The following SPMAP2L variants were observed in gnomAD, a reference collection of about 807,000 sequenced individuals.
SPMAP2L encodes sperm microtubule associated protein 2-like.
chr4:56,533,867 C>T, the SPMAP2L span, among the ~76,000 whole-genome samples: 1 of 151,996 alleles, frequency 6.6e-6, no homozygotes, highest in Admixed American at 6.6e-5. Flanking sequence ...AGGAGCATCA[C>T]CTCAGACTCA....
At chr4:56,554,298 A>G in the SPMAP2L span, among the ~76,000 whole-genome samples, 3 of 152,214 alleles carry the variant, frequency 2.0e-5, no homozygotes, top group Non-Finnish European at 4.4e-5. Context: ...TTGCATTTTA[A>G]CAAGCAATGA....
the SPMAP2L span, chr4:56,575,685 G>T: frequency 6.6e-7 from 1 of 1,516,772 alleles, no homozygotes; most frequent in Non-Finnish European, 8.8e-7. Flanking sequence ...ATCTAATTTG[G>T]CCAGATGTCT....
the SPMAP2L span, among the ~76,000 whole-genome samples, chr4:56,564,419 C>T: frequency 2.6e-4 from 40 of 152,264 alleles, no homozygotes; most frequent in African/African-American, 9.4e-4. Flanking sequence ...GGATTACAAG[C>T]GTGAGCCACT....
chr4:56,563,320 T>TCTC, the SPMAP2L span, among the ~76,000 whole-genome samples: 2 of 150,650 alleles, frequency 1.3e-5, no homozygotes, highest in Non-Finnish European at 3.0e-5. Flanking sequence ...GCCAGGCTGG[T>TCTC]CTCAAACTTC....
At chr4:56,583,821 A>G in the SPMAP2L span, among the ~76,000 whole-genome samples, 3 of 152,248 alleles carry the variant, frequency 2.0e-5, no homozygotes, top group Non-Finnish European at 2.9e-5. Flanking sequence ...AACAGATCAT[A>G]AAATCAATTC....
the SPMAP2L span, among the ~76,000 whole-genome samples, chr4:56,556,089 G>C: frequency 6.6e-6 from 1 of 152,146 alleles, no homozygotes; most frequent in African/African-American, 2.4e-5. Flanking sequence ...ATTCAACTTG[G>C]ATTTGAATCT....
the SPMAP2L span, chr4:56,594,550 C>T: frequency 6.2e-7 from 1 of 1,608,534 alleles, no homozygotes; most frequent in South Asian, 1.1e-5. Flanking sequence ...CTATCCGAGC[C>T]TACTTAAACC....
the SPMAP2L span, among the ~76,000 whole-genome samples, chr4:56,534,822 G>A: frequency 1.4e-3 from 217 of 152,194 alleles, 4 homozygotes; most frequent in African/African-American, 5.1e-3. Context: ...CCAGCTACTC[G>A]GGAGGCTAAG....
chr4:56,615,358 A>G, the SPMAP2L span, among the ~76,000 whole-genome samples: 5 of 152,210 alleles, frequency 3.3e-5, no homozygotes, highest in African/African-American at 4.8e-5. Context: ...GCGATCAGTC[A>G]TCTCTTCTGT....
chr4:56,578,477 T>A, the SPMAP2L span, among the ~76,000 whole-genome samples: 23 of 152,242 alleles, frequency 1.5e-4, no homozygotes, highest in Admixed American at 1.5e-3. Context: ...CAGGCATAAA[T>A]ATTACCTTAT....
chr4:56,544,861 A>T, the SPMAP2L span, among the ~76,000 whole-genome samples: 1 of 152,226 alleles, frequency 6.6e-6, no homozygotes. Context: ...CTGACCAGAA[A>T]GCTCAGCAAC....
At chr4:56,532,846 C>G in the SPMAP2L span, among the ~76,000 whole-genome samples, 2 of 152,188 alleles carry the variant, frequency 1.3e-5, no homozygotes, top group African/African-American at 4.8e-5. Flanking sequence ...TCCTTCACCC[C>G]ATCGTAGGCA....
chr4:56,530,942 A>G, the SPMAP2L span: 1 of 1,534,992 alleles, frequency 6.5e-7, no homozygotes, highest in Non-Finnish European at 8.7e-7. Flanking sequence ...CACGCTCCCT[A>G]TGCGCCCCAC....
At chr4:56,620,632 G>A in the SPMAP2L span, among the ~76,000 whole-genome samples, 7 of 152,258 alleles carry the variant, frequency 4.6e-5, no homozygotes, top group Admixed American at 1.3e-4. Flanking sequence ...TGATCTGCCC[G>A]CCTCGGCCTC....
At chr4:56,584,562 A>C in the SPMAP2L span, 1 of 1,535,420 alleles carries the variant, frequency 6.5e-7, no homozygotes. Flanking sequence ...CGGATATTAC[A>C]ACTCTCAGTA....
chr4:56,542,072 G>A, the SPMAP2L span, among the ~76,000 whole-genome samples: 1 of 152,216 alleles, frequency 6.6e-6, no homozygotes, highest in Non-Finnish European at 1.5e-5. Flanking sequence ...TGGGAGTTAG[G>A]TCTTGAAGGA....
the SPMAP2L span, among the ~76,000 whole-genome samples, chr4:56,596,154 C>T: frequency 6.6e-6 from 1 of 152,186 alleles, no homozygotes; most frequent in African/African-American, 2.4e-5. Context: ...AACTCTTTTT[C>T]CTCTAATATG....
the SPMAP2L span, chr4:56,593,033 A>G: frequency 6.3e-7 from 1 of 1,595,066 alleles, no homozygotes; most frequent in East Asian, 2.2e-5. Flanking sequence ...CATTTCAAGC[A>G]AAAACCAGAT....
At chr4:56,593,019 A>G in the SPMAP2L span, 2 of 1,598,284 alleles carry the variant, frequency 1.3e-6, no homozygotes, top group Non-Finnish European at 1.7e-6. Context: ...GCAACTCTGC[A>G]TGCCATTTCA....
Sources: allele counts gnomAD v4.1 joint callset (sites outside exome capture counted in the v4.1 genomes callset), GRCh38; gene constraint gnomAD v4.1.1; transcripts MANE v1.5; gene names NCBI Gene and HGNC (gene_info 2026-07-23, HGNC 2026-07-21).